The following WDR33 variants were observed in gnomAD, a reference collection of about 807,000 sequenced individuals.
WDR33 encodes pre-mRNA 3' end processing protein WDR33.
WDR33 carries 47 observed loss-of-function variants against 164.9 expected under a neutral mutation model. The observed-to-expected ratio is 0.29, with a 90% confidence interval of 0.23 to 0.36. The LOEUF (loss-of-function observed/expected upper bound fraction) is 0.36. WDR33 is among the 10% of genes least tolerant of loss of function. The pLI, the probability that WDR33 is intolerant of heterozygous loss-of-function variation, is 1.00. For missense variants in WDR33, 1,137 were observed against 1,754.1 expected, an observed-to-expected ratio of 0.65 and a Z score of 6.28; for synonymous variants, 505 against 589.0, an observed-to-expected ratio of 0.86 and a Z score of 2.06.
chr2:127,739,919 TG>T (rs1686963404), intron 7 of WDR33, among the ~76,000 whole-genome samples: 1 of 152,200 alleles, frequency 6.6e-6, no homozygotes, highest in Non-Finnish European at 1.5e-5. Flanking sequence ...AAAATAACAC[TG>T]AATTCTGATT....
Position 127,738,162 on chromosome 2 carries a change from T to C in WDR33, c.725-11385A>G. ...TTTCCAGATATGACTGAGATTTTTT[T>C]CTATTAATGAGTAATCTGAGATAAC... is the stretch of plus-strand genomic sequence containing the variant. On this transcript the variant is annotated intron_variant, in intron 7 of 21. Coordinates refer to ENST00000322313, the MANE Select transcript of WDR33 (RefSeq NM_018383.5). This position sits in a 1 kb window ranked among gnomAD's most constrained non-coding sequence, Gnocchi z 4.4. 1.1e-6 allele frequency: 1 copy of C among 950,862 alleles called. No homozygotes were observed. Among genetic ancestry groups the C allele is most frequent in the Non-Finnish European group, 1.5e-6 (1 of 682,880 alleles). The allele number at this position is 950,862 out of a possible 1,614,324, so 58.9% of individuals were successfully genotyped here. A position where few individuals can be genotyped will look rare whatever the true frequency, so the allele number is the denominator to read the frequency against.
At chr2:127,796,600 A>ACT (rs145152218) in intron 1 of WDR33, among the ~76,000 whole-genome samples, 4 of 149,790 alleles carry the variant, frequency 2.7e-5, no homozygotes, top group Admixed American at 6.7e-5. Context: ...ACATACACAT[A>ACT]CTCTCTCTCT....
chr2:127,795,029 T>C (rs1268158088), intron 1 of WDR33, among the ~76,000 whole-genome samples: 1 of 151,030 alleles, frequency 6.6e-6, no homozygotes, highest in African/African-American at 2.4e-5. Context: ...TTAAACTGCA[T>C]GCTACTAATC....
At chr2:127,771,266 C>T (rs534912117) in intron 1 of WDR33, among the ~76,000 whole-genome samples, 4 of 152,278 alleles carry the variant, frequency 2.6e-5, no homozygotes, top group South Asian at 2.1e-4. Context: ...CTACTACACA[C>T]GTAGGCTACA....
chr2:127,765,488 C>G (rs888567865), intron 4 of WDR33, among the ~76,000 whole-genome samples: 3 of 152,142 alleles, frequency 2.0e-5, no homozygotes, highest in Non-Finnish European at 2.9e-5. Context: ...AAATTAAAGA[C>G]AGTAAGTACA....
chr2:127,771,209 A>G (rs1687991949), intron 1 of WDR33, among the ~76,000 whole-genome samples: 1 of 152,210 alleles, frequency 6.6e-6, no homozygotes, highest in Non-Finnish European at 1.5e-5. Context: ...ATCACTGTAC[A>G]AACTTCACAG....
chr2:127,738,601 TAGTATACATCC>T lies in WDR33; in HGVS notation c.725-11835_725-11825del, dbSNP rs1276124728. On this transcript the variant is annotated intron_variant, in intron 7 of 21. Coordinates refer to ENST00000322313, the MANE Select transcript of WDR33 (RefSeq NM_018383.5). The surrounding 1 kb of genome is among the most constrained non-coding windows in gnomAD (Gnocchi z 4.4). ...CAAGATCAACATCAAGTCATACTGATAGTATACATCCATGACATGGTATGATGAAAATGGCA... is the reference window on the plus strand; with the variant it reads ...CAAGATCAACATCAAGTCATACTGATATGACATGGTATGATGAAAATGGCA... 1.3e-5 allele frequency among the ~76,000 whole-genome samples: 2 copies of T among 152,156 alleles called. No homozygotes were observed. Among genetic ancestry groups the T allele is most frequent in the Admixed American group, 6.5e-5 (1 of 15,268 alleles).
chr2:127,701,417 G>C lies in WDR33; in HGVS notation c.*4906C>G. 1 of 1,081,508 alleles carries C rather than the reference G, an allele frequency of 9.2e-7. No individual in the cohort carries two copies. Among genetic ancestry groups the C allele is most frequent in the Non-Finnish European group, 1.2e-6 (1 of 853,098 alleles). 67.0% of individuals were successfully genotyped at this position (1,081,508 alleles called of 1,614,324 possible). On this transcript the variant is annotated 3_prime_UTR_variant, in exon 22 of 22. Coordinates refer to ENST00000322313, the MANE Select transcript of WDR33 (RefSeq NM_018383.5). ...CCGCGGCACTTCCGCGAGCGCCGCA[G>C]GCCCTGCCCCTTTCGCCGTCGCCGA...
In WDR33 at chr2:127,706,227, T is replaced by A; in HGVS notation, c.*96A>T. 1 of 1,203,612 alleles carries A rather than the reference T, an allele frequency of 8.3e-7. No homozygotes were observed. Among genetic ancestry groups the A allele is most frequent in the Non-Finnish European group, 1.1e-6 (1 of 884,928 alleles). The allele number at this position is 1,203,612 out of a possible 1,614,324, so 74.6% of individuals were successfully genotyped here. On this transcript the variant is annotated 3_prime_UTR_variant, in exon 22 of 22. Coordinates refer to ENST00000322313, the MANE Select transcript of WDR33 (RefSeq NM_018383.5). This position sits in a 1 kb window ranked among gnomAD's most constrained non-coding sequence, Gnocchi z 5.1. ...AGGTGCCCAGAAAAGAGTTCAGGGC[T>A]ACAATGGTGCAGGCTTCCTTTTGTT...
At chr2:127,786,863 T>A (rs1352554800) in intron 1 of WDR33, among the ~76,000 whole-genome samples, 61 of 122,802 alleles carry the variant, frequency 5.0e-4, no homozygotes, top group Admixed American at 7.3e-4. Context: ...TTTTTTTTTT[T>A]AATTTATTTT....
At chr2:127,775,185 T>C (rs1405629453) in intron 1 of WDR33, among the ~76,000 whole-genome samples, 1 of 151,866 alleles carries the variant, frequency 6.6e-6, no homozygotes, top group Non-Finnish European at 1.5e-5. Context: ...GCTTAATCTA[T>C]TAAAAAAAAA....
In WDR33 at chr2:127,722,425, A is replaced by C. The variant is rs1457820225; in HGVS notation, c.1518+166T>G. Among the ~76,000 whole-genome samples the C allele has an allele frequency of 1.3e-5, 2 of 152,248 alleles. No homozygotes were observed. Among genetic ancestry groups the C allele is most frequent in the East Asian group, 3.8e-4 (2 of 5,206 alleles). Reference sequence around the variant, plus strand: ...AACAGAGAAGACTGATAACAAACTCAATACAACTGCAAAGCAGTAGATGAG... The same window carrying C: ...AACAGAGAAGACTGATAACAAACTCCATACAACTGCAAAGCAGTAGATGAG... On this transcript the variant is annotated intron_variant, in intron 14 of 21. Transcript: ENST00000322313. The surrounding 1 kb of genome is among the most constrained non-coding windows in gnomAD (Gnocchi z 5.1).
rs1175081484 is a variant in WDR33, at chr2:127,722,684, A to G, written c.1425T>C (p.Asp475=). 9 of 1,614,014 alleles carry G rather than the reference A, an allele frequency of 5.6e-6. No homozygotes were observed. Among genetic ancestry groups the G allele is most frequent in the African/African-American group, 1.3e-5 (1 of 74,914 alleles). Residue 475 remains aspartate, a synonymous_variant, in exon 14 of 22, where the codon GAT becomes GAC. Transcript: ENST00000322313. This position sits in a 1 kb window ranked among gnomAD's most constrained non-coding sequence, Gnocchi z 5.1. ...NEIEMTIPGL[D]WGMEEVMQKD... is the part of the protein sequence containing the mutation. ...TTTGCATCACTTCCTCCATTCCCCA[A>G]TCTAAACCTGGAATTGTCATTTCAA...
chr2:127,705,975 G>A lies in WDR33; in HGVS notation c.*348C>T. On this transcript the variant is annotated 3_prime_UTR_variant, in exon 22 of 22. Transcript: ENST00000322313. The surrounding 1 kb of genome is among the most constrained non-coding windows in gnomAD (Gnocchi z 4.5). The stretch of plus-strand genomic sequence containing the variant: ...TCATACAAAAACTTTGTTTTTCTCT[G>A]ACAAACTGTACACATAGAAACAAAT... 1 of 252,132 alleles carries A rather than the reference G, an allele frequency of 4.0e-6. No individual in the cohort carries two copies. Among genetic ancestry groups the A allele is most frequent in the Admixed American group, 5.4e-5 (1 of 18,372 alleles). The allele number at this position is 252,132 out of a possible 1,614,324, so 15.6% of individuals were successfully genotyped here. A position where few individuals can be genotyped will look rare whatever the true frequency, so the allele number is the denominator to read the frequency against.
intron 1 of WDR33, among the ~76,000 whole-genome samples, chr2:127,787,706 C>G (rs1688644766): frequency 2.5e-4 from 22 of 88,646 alleles, no homozygotes; most frequent in Non-Finnish European, 3.2e-4. Flanking sequence ...GCTGGCCGGG[C>G]GGGGGGCTGA....
chr2:127,713,829 G>C lies in WDR33; in HGVS notation c.3062C>G (p.Pro1021Arg). 6.2e-7 allele frequency: 1 copy of C among 1,614,246 alleles called. No individual in the cohort carries two copies. Among genetic ancestry groups the C allele is most frequent in the Non-Finnish European group, 8.5e-7 (1 of 1,180,040 alleles). ...DDFSRPDDFH[P>R]DKRFGHRLRE... is the part of the protein sequence containing the mutation. Reference sequence around the variant, plus strand: ...TAACCGGTGGCCAAAGCGCTTGTCAGGGTGGAAGTCATCTGGTCTGCTGAA... The same window carrying C: ...TAACCGGTGGCCAAAGCGCTTGTCACGGTGGAAGTCATCTGGTCTGCTGAA... Residue 1021 changes from proline (P) to arginine (R), a missense_variant, in exon 18 of 22, where the codon CCT becomes CGT. Pro to Arg is a moderately radical substitution (Grantham distance 103, BLOSUM62 -2). Around this residue, in one of 9 missense-constraint regions of WDR33, gnomAD observed 867 missense variants for 1,073.0 expected, o/e 0.81. Coordinates refer to ENST00000322313, the MANE Select transcript of WDR33 (RefSeq NM_018383.5). This position sits in a 1 kb window ranked among gnomAD's most constrained non-coding sequence, Gnocchi z 6.2.
At position 127,714,356 on chromosome 2, in the gene WDR33, T is replaced by C. The variant is rs936541787; in HGVS notation, c.2870-335A>G. On this transcript the variant is annotated intron_variant, in intron 17 of 21. Transcript: ENST00000322313. This position sits in a 1 kb window ranked among gnomAD's most constrained non-coding sequence, Gnocchi z 4.3. Reference sequence around the variant, plus strand: ...GCTTCCTTTGTCTGCCCCTATTCTTTCAGGCATTTCATTAGGGCCACCTGC... The same window carrying C: ...GCTTCCTTTGTCTGCCCCTATTCTTCCAGGCATTTCATTAGGGCCACCTGC... Among the ~76,000 whole-genome samples the C allele has an allele frequency of 6.6e-6, 1 of 152,194 alleles. No individual in the cohort carries two copies. The highest frequency in any genetic ancestry group is 1.5e-5 in the Non-Finnish European group (1 of 68,030).
chr2:127,779,334 C>T (rs955652707), intron 1 of WDR33, among the ~76,000 whole-genome samples: 4 of 151,908 alleles, frequency 2.6e-5, no homozygotes, highest in African/African-American at 2.4e-5. Context: ...GGTGTGGTGG[C>T]GCACACCTGT....
At position 127,702,057 on chromosome 2, in the gene WDR33, G is replaced by GTGGCCGCGCTGC. The variant is rs570661834; in HGVS notation, c.*4254_*4265dup. Reference sequence around the variant, plus strand: ...CACGGTGCTGGGCGCGGGCGCGCAGGTGGCCGCGCTGCTGGCCGCGCTGGT... The same window carrying GTGGCCGCGCTGC: ...CACGGTGCTGGGCGCGGGCGCGCAGGTGGCCGCGCTGCTGGCCGCGCTGCTGGCCGCGCTGGT... On this transcript the variant is annotated 3_prime_UTR_variant, in exon 22 of 22. Transcript: ENST00000322313. The GTGGCCGCGCTGC allele has an allele frequency of 2.0e-5, 24 of 1,224,802 alleles. 1 individual carries two copies. The Admixed American group carries it at 3.4e-4, about 18-fold the overall frequency. 75.9% of individuals were successfully genotyped at this position (1,224,802 alleles called of 1,614,324 possible). A position where few individuals can be genotyped will look rare whatever the true frequency, so the allele number is the denominator to read the frequency against.
Sources: gnomAD v4.1 joint callset for allele counts (sites outside exome capture counted in the v4.1 genomes callset) on GRCh38, gnomAD v4.1.1 for gene constraint, gnomAD v4.1.1 regional missense constraint, Gnocchi (gnomAD v3.1) non-coding constraint, MANE v1.5 for transcripts, NCBI Gene and HGNC (gene_info 2026-07-23, HGNC 2026-07-21) for gene names.